CSMD1: variants seen among roughly 807,000 people sequenced by gnomAD.
The protein encoded by CSMD1 is CUB and sushi domain-containing protein 1.
A neutral mutation model predicts 417.5 loss-of-function variants in CSMD1; 213 were observed. That is an observed-to-expected ratio of 0.51 (90% CI 0.46 to 0.57). CSMD1 has a LOEUF of 0.57. Among genes scored for constraint, CSMD1 ranks in the 20% least tolerant of loss-of-function variants. CSMD1 has a pLI of 0.00. For missense variants in CSMD1, 6,923 were observed against 4,529.7 expected, an observed-to-expected ratio of 1.53 and a Z score of -15.17; for synonymous variants, 2,862 against 1,736.8, an observed-to-expected ratio of 1.65 and a Z score of -16.11.
intron 10 of CSMD1, among the ~76,000 whole-genome samples, chr8:3,514,547 T>A (rs1330222185): frequency 6.6e-6 from 1 of 152,170 alleles, no homozygotes; most frequent in African/African-American, 2.4e-5. Context: ...CACAAATAAA[T>A]AATATGTTAT....
intron 5 of CSMD1, among the ~76,000 whole-genome samples, chr8:3,757,567 G>A (rs1005709822): frequency 3.9e-5 from 6 of 152,076 alleles, no homozygotes; most frequent in East Asian, 1.9e-4. Flanking sequence ...TATATGAAGC[G>A]ATTTGTAAAA....
At chr8:3,082,895 C>A (rs545773640) in intron 49 of CSMD1, among the ~76,000 whole-genome samples, 1 of 152,288 alleles carries the variant, frequency 6.6e-6, no homozygotes, top group East Asian at 1.9e-4. Context: ...TGGAGATTCT[C>A]ATGTCCCAGC....
At chr8:3,204,159 G>A (rs1797126032) in intron 31 of CSMD1, among the ~76,000 whole-genome samples, 1 of 152,202 alleles carries the variant, frequency 6.6e-6, no homozygotes, top group South Asian at 2.1e-4. Context: ...CAGATAGGAT[G>A]TGATCGTTTG....
At chr8:4,528,023 G>C (rs1316306904) in intron 2 of CSMD1, among the ~76,000 whole-genome samples, 2 of 152,164 alleles carry the variant, frequency 1.3e-5, no homozygotes, top group African/African-American at 2.4e-5. Context: ...GATCATGTCA[G>C]TGCTTTGGAA....
chr8:4,302,784 C>T (rs1243043605), intron 3 of CSMD1, among the ~76,000 whole-genome samples: 3 of 152,078 alleles, frequency 2.0e-5, no homozygotes, highest in Admixed American at 6.6e-5. Context: ...GAGTTGGCAC[C>T]GTCAGCCCCT....
intron 10 of CSMD1, among the ~76,000 whole-genome samples, chr8:3,571,738 C>T (rs897260249): frequency 2.3e-5 from 3 of 130,456 alleles, no homozygotes; most frequent in Non-Finnish European, 5.0e-5. Flanking sequence ...GGAAGGTCTC[C>T]AGTCTTGCTA....
At chr8:3,532,447 A>C (rs1482193) in intron 10 of CSMD1, among the ~76,000 whole-genome samples, 8,512 of 152,160 alleles carry the variant, frequency 0.056, 550 homozygotes, top group East Asian at 0.24. Context: ...CTCCTTCCTA[A>C]AACAGCTGTG....
chr8:4,438,372 A>G (rs544498808), intron 2 of CSMD1, among the ~76,000 whole-genome samples: 3 of 152,228 alleles, frequency 2.0e-5, no homozygotes, highest in African/African-American at 7.2e-5. Flanking sequence ...TTCTCACTGG[A>G]GCATGCAGCT....
At chr8:4,741,526 A>C (rs1252436669) in intron 1 of CSMD1, among the ~76,000 whole-genome samples, 1 of 152,234 alleles carries the variant, frequency 6.6e-6, no homozygotes, top group Non-Finnish European at 1.5e-5. Context: ...AAACAAAAAT[A>C]ATTGCATGTT....
chr8:4,334,658 A>G (rs1162626329), intron 3 of CSMD1, among the ~76,000 whole-genome samples: 3 of 152,158 alleles, frequency 2.0e-5, no homozygotes, highest in Admixed American at 6.5e-5. Flanking sequence ...TTCTATGGTT[A>G]GAGAAGCTGT....
chr8:4,360,158 T>C (rs1801668882), intron 3 of CSMD1, among the ~76,000 whole-genome samples: 1 of 152,158 alleles, frequency 6.6e-6, no homozygotes, highest in African/African-American at 2.4e-5. Context: ...GAGGATGAAC[T>C]ACACGTGAGA....
intron 7 of CSMD1, among the ~76,000 whole-genome samples, chr8:3,617,817 G>A (rs907787376): frequency 1.3e-5 from 2 of 152,066 alleles, no homozygotes; most frequent in African/African-American, 4.8e-5. Context: ...ATTTACTATA[G>A]CGTAAATCCA....
intron 3 of CSMD1, among the ~76,000 whole-genome samples, chr8:4,385,011 C>G (rs577357604): frequency 5.9e-5 from 9 of 152,132 alleles, no homozygotes; most frequent in Admixed American, 2.0e-4. Flanking sequence ...AATGCAACCT[C>G]CGTCCCCCTG....
chr8:3,417,248 C>T (rs1381993237), intron 12 of CSMD1, among the ~76,000 whole-genome samples: 2 of 152,098 alleles, frequency 1.3e-5, no homozygotes, highest in Non-Finnish European at 2.9e-5. Flanking sequence ...CTTTAAATTC[C>T]ATACGGTTTG....
intron 1 of CSMD1, among the ~76,000 whole-genome samples, chr8:4,743,691 C>T (rs531301327): frequency 6.6e-6 from 1 of 152,328 alleles, no homozygotes; most frequent in South Asian, 2.1e-4. Flanking sequence ...AAGCTTTCTT[C>T]TGCTCTAACC....
intron 5 of CSMD1, among the ~76,000 whole-genome samples, chr8:3,802,662 C>T (rs1482893240): frequency 6.6e-6 from 1 of 152,148 alleles, no homozygotes; most frequent in South Asian, 2.1e-4. Context: ...TGTCACTTTA[C>T]TTCTCTACTC....
intron 31 of CSMD1, among the ~76,000 whole-genome samples, chr8:3,202,876 GCA>G (rs1190824097): frequency 1.3e-5 from 2 of 152,094 alleles, no homozygotes; most frequent in African/African-American, 4.8e-5. Context: ...CACAAAGAAG[GCA>G]TGTAGGCTAG....
At chr8:4,399,639 G>A (rs140618739) in intron 3 of CSMD1, among the ~76,000 whole-genome samples, 299 of 152,038 alleles carry the variant, frequency 2.0e-3, no homozygotes, top group African/African-American at 7.0e-3. Flanking sequence ...TCAACAATGT[G>A]AATTTCAATC....
At chr8:3,967,332 C>T (rs115012502) in intron 5 of CSMD1, among the ~76,000 whole-genome samples, 120 of 152,218 alleles carry the variant, frequency 7.9e-4, no homozygotes, top group African/African-American at 2.8e-3. Flanking sequence ...GATGGTACGG[C>T]TTCTCCATTC....
Sources: gnomAD v4.1 joint callset for allele counts (sites outside exome capture counted in the v4.1 genomes callset) on GRCh38, gnomAD v4.1.1 for gene constraint, MANE v1.5 for transcripts, NCBI Gene and HGNC (gene_info 2026-07-23, HGNC 2026-07-21) for gene names.